SH3RF1: variants seen among roughly 807,000 people sequenced by gnomAD.
SH3RF1 encodes the protein E3 ubiquitin-protein ligase SH3RF1.
SH3RF1 carries 32 observed loss-of-function variants against 74.0 expected under a neutral mutation model. That is an observed-to-expected ratio of 0.43 (90% CI 0.33 to 0.58). The LOEUF is 0.58. SH3RF1 is among the 20% of genes least tolerant of loss of function. The probability of loss-of-function intolerance (pLI) is 0.05; values close to 1 mark genes in which losing one functional copy is unlikely to be tolerated. For missense variants in SH3RF1, 954 were observed against 1,130.9 expected (o/e 0.84, Z 2.24); for synonymous variants, 396 against 439.6 (o/e 0.90, Z 1.24).
intron 2 of SH3RF1, among the ~76,000 whole-genome samples, chr4:169,187,154 G>C (rs1734619384): frequency 6.6e-6 from 1 of 152,116 alleles, no homozygotes. Flanking sequence ...CTGGTTAAAA[G>C]ATTTAAATTA....
chr4:169,128,223 A>G (rs1315072787), intron 6 of SH3RF1, among the ~76,000 whole-genome samples: 1 of 152,176 alleles, frequency 6.6e-6, no homozygotes, highest in Non-Finnish European at 1.5e-5. Context: ...GAAAGGAGAG[A>G]GTCTCCCCTG....
chr4:169,199,150 T>C (rs1734868023), intron 2 of SH3RF1, among the ~76,000 whole-genome samples: 1 of 152,096 alleles, frequency 6.6e-6, no homozygotes, highest in Admixed American at 6.5e-5. Context: ...GCAACTGGAG[T>C]TGTATTTGAA....
chr4:169,183,791 GA>G (rs142675689), intron 2 of SH3RF1, among the ~76,000 whole-genome samples: 26 of 150,056 alleles, frequency 1.7e-4, no homozygotes, highest in African/African-American at 6.1e-4. Context: ...AAAAAAACTG[GA>G]AAAAAAAAGT....
chr4:169,096,047 G>A lies in SH3RF1; in HGVS notation c.*472C>T, dbSNP rs1490813924. 6.5e-6 allele frequency: 1 copy of A among 152,672 alleles called. No homozygotes were observed. Among genetic ancestry groups the A allele is most frequent in the Non-Finnish European group, 1.5e-5 (1 of 68,260 alleles). The allele number at this position is 152,672 out of a possible 1,614,324, so 9.5% of individuals were successfully genotyped here. A position where few individuals can be genotyped will look rare whatever the true frequency, so the allele number is the denominator to read the frequency against. On this transcript the variant is annotated 3_prime_UTR_variant, in exon 12 of 12. Transcript: ENST00000284637. ...ATAATGGTAGCAGGGAGGAGGAGAG[G>A]GGAAAATGCATTCACTCTATGTCAA...
intron 2 of SH3RF1, among the ~76,000 whole-genome samples, chr4:169,172,577 G>A (rs765423349): frequency 2.0e-5 from 3 of 152,184 alleles, no homozygotes; most frequent in Non-Finnish European, 2.9e-5. Flanking sequence ...TGGAGATTAA[G>A]TATGATTTAA....
At chr4:169,098,509 CA>C (rs1732966942) in intron 11 of SH3RF1, among the ~76,000 whole-genome samples, 1 of 152,166 alleles carries the variant, frequency 6.6e-6, no homozygotes, top group Admixed American at 6.5e-5. Context: ...ACTAAAAAAA[CA>C]CATCTCTGCA....
intron 4 of SH3RF1, among the ~76,000 whole-genome samples, chr4:169,147,810 C>A (rs1733916934): frequency 6.6e-6 from 1 of 152,096 alleles, no homozygotes; most frequent in South Asian, 2.1e-4. Flanking sequence ...CATGCTGGAC[C>A]AGTATAGAAT....
rs1732884874 is a variant in SH3RF1, at chr4:169,094,772, CA to C, written c.*1746del. ...ATTCAACACACAGGAACATAATATA[CA>C]TTGTTTTTTTTTAAAAAAAAGGTTA... On this transcript the variant is annotated 3_prime_UTR_variant, in exon 12 of 12. Coordinates refer to ENST00000284637, the MANE Select transcript of SH3RF1 (RefSeq NM_020870.4). 1 of 149,786 alleles carries C rather than the reference CA, an allele frequency of 6.7e-6. No individual in the cohort carries two copies. The highest frequency in any genetic ancestry group is 2.4e-5 in the African/African-American group (1 of 40,830). The allele number at this position is 149,786 out of a possible 1,614,324, so 9.3% of individuals were successfully genotyped here.
intron 2 of SH3RF1, among the ~76,000 whole-genome samples, chr4:169,228,404 T>C (rs1579150548): frequency 2.6e-5 from 4 of 151,600 alleles, no homozygotes; most frequent in East Asian, 2.0e-4. Flanking sequence ...TTTCTGGAGG[T>C]TCTAGGGGAA....
At chr4:169,230,454 A>G (rs1579151934) in intron 2 of SH3RF1, among the ~76,000 whole-genome samples, 2 of 152,356 alleles carry the variant, frequency 1.3e-5, no homozygotes, top group Admixed American at 1.3e-4. Context: ...AATTCTAAAG[A>G]GATGGGAAAT....
chr4:169,193,722 T>C (rs1206249966), intron 2 of SH3RF1, among the ~76,000 whole-genome samples: 2 of 152,202 alleles, frequency 1.3e-5, no homozygotes, highest in East Asian at 1.9e-4. Context: ...GCCAGTCACC[T>C]GAAGGAAAGG....
intron 2 of SH3RF1, among the ~76,000 whole-genome samples, chr4:169,235,511 T>C (rs901061146): frequency 6.6e-6 from 1 of 152,164 alleles, no homozygotes; most frequent in Non-Finnish European, 1.5e-5. Flanking sequence ...TTAAGTAACT[T>C]GCCCAGGGTC....
chr4:169,254,966 G>C (rs180949476), intron 2 of SH3RF1, among the ~76,000 whole-genome samples: 97 of 152,204 alleles, frequency 6.4e-4, no homozygotes, highest in African/African-American at 2.0e-3. Flanking sequence ...GGAAGAAGAG[G>C]TACAGGGGAG....
chr4:169,114,025 C>T (rs1484802941), intron 10 of SH3RF1, among the ~76,000 whole-genome samples: 2 of 152,116 alleles, frequency 1.3e-5, no homozygotes, highest in Admixed American at 1.3e-4. Flanking sequence ...TGGGCTAGGG[C>T]ACTGCTTGGT....
intron 2 of SH3RF1, among the ~76,000 whole-genome samples, chr4:169,247,789 C>T (rs1256975990): frequency 1.4e-5 from 2 of 144,940 alleles, no homozygotes; most frequent in African/African-American, 5.0e-5. Context: ...GGAACTTAAA[C>T]AAATTTACAA....
chr4:169,165,636 GC>G (rs1561041924), intron 2 of SH3RF1, among the ~76,000 whole-genome samples: 1 of 140,044 alleles, frequency 7.1e-6, no homozygotes, highest in African/African-American at 3.1e-5. Flanking sequence ...AGAAAAAAAG[GC>G]GGGGGGGGGA....
chr4:169,268,733 G>A lies in SH3RF1; in HGVS notation c.393+87C>T, dbSNP rs933374907. ...TGTATGGTTTCCTAAGCAATGAGTT[G>A]ACTTCGAAAACACCAAGCTAAAGAA... On this transcript the variant is annotated intron_variant, in intron 2 of 11. Transcript: ENST00000284637. The A allele has an allele frequency of 1.8e-5, 26 of 1,427,732 alleles. No homozygotes were observed. The Admixed American group carries it at 4.0e-4, about 22-fold the overall frequency. 88.4% of individuals were successfully genotyped at this position (1,427,732 alleles called of 1,614,324 possible). A position where few individuals can be genotyped will look rare whatever the true frequency, so the allele number is the denominator to read the frequency against.
chr4:169,124,649 A>G (rs1182211925), intron 6 of SH3RF1, among the ~76,000 whole-genome samples: 1 of 152,242 alleles, frequency 6.6e-6, no homozygotes, highest in East Asian at 1.9e-4. Context: ...ACAGATGAAG[A>G]TCAAGAAACT....
At chr4:169,170,150 A>G (rs950120616) in intron 2 of SH3RF1, among the ~76,000 whole-genome samples, 1 of 152,198 alleles carries the variant, frequency 6.6e-6, no homozygotes, top group African/African-American at 2.4e-5. Context: ...GAAATGGTTT[A>G]CTAAGCCAGT....
Sources: gnomAD v4.1 joint callset for allele counts (sites outside exome capture counted in the v4.1 genomes callset) on GRCh38, gnomAD v4.1.1 for gene constraint, MANE v1.5 for transcripts, NCBI Gene and HGNC (gene_info 2026-07-23, HGNC 2026-07-21) for gene names.